VSTM2A: variants seen among roughly 807,000 people sequenced by gnomAD.
VSTM2A encodes the protein V-set and transmembrane domain containing 2A, also known as V-set and transmembrane domain-containing protein 2A.
VSTM2A carries 13 observed loss-of-function variants against 27.3 expected under a neutral mutation model. The observed-to-expected ratio is 0.48, with a 90% CI of 0.31 to 0.76. The LOEUF is 0.76. Ranked by LOEUF, VSTM2A falls within the 30% of genes least tolerant of loss-of-function variation. The pLI is 0.05. For synonymous variants in VSTM2A, 142 were observed against 125.7 expected, an observed-to-expected ratio of 1.13 and a Z score of -0.87; for missense variants, 280 against 310.0, an observed-to-expected ratio of 0.90 and a Z score of 0.73.
At chr7:54,568,144 T>C (rs1326493532) in intron 4 of VSTM2A, among the ~76,000 whole-genome samples, 1 of 152,234 alleles carries the variant, frequency 6.6e-6, no homozygotes, top group Non-Finnish European at 1.5e-5. Context: ...ACTAAATGGC[T>C]ACTTTGGAAG....
chr7:54,545,218 G>T (rs907995577), intron 2 of VSTM2A, among the ~76,000 whole-genome samples: 10 of 151,690 alleles, frequency 6.6e-5, no homozygotes, highest in Admixed American at 6.6e-4. Flanking sequence ...GCAGCCCCCA[G>T]GCTGAACAAC....
intron 4 of VSTM2A, among the ~76,000 whole-genome samples, chr7:54,561,927 G>T (rs981241929): frequency 2.0e-5 from 3 of 150,626 alleles, no homozygotes; most frequent in African/African-American, 7.3e-5. Context: ...TTTTTTGTTT[G>T]TTTTTTTTTG....
At chr7:54,549,683 T>C (rs1788116701) in intron 3 of VSTM2A, 151 bp from the exon 4 acceptor site, 1 of 689,520 alleles carries the variant, frequency 1.5e-6, no homozygotes, top group African/African-American at 1.8e-5. Context: ...GGCCTTCAGA[T>C]GTGACGTTAA....
intron 4 of VSTM2A, chr7:54,557,392 G>C (rs1166277238): frequency 6.6e-6 from 1 of 151,534 alleles, no homozygotes; most frequent in African/African-American, 2.4e-5. Flanking sequence ...AGAGTGCAGT[G>C]GTGTGATCCC....
intron 4 of VSTM2A, among the ~76,000 whole-genome samples, chr7:54,566,262 G>A (rs1029001647): frequency 1.3e-5 from 2 of 152,154 alleles, no homozygotes; most frequent in Admixed American, 6.5e-5. Context: ...TTAGATAATA[G>A]CATCTTCCTT....
chr7:54,542,822 C>T lies in VSTM2A; in HGVS notation c.79+13C>T. The T allele has an allele frequency of 1.2e-6, 2 of 1,611,078 alleles. No individual in the cohort carries two copies. Among genetic ancestry groups the T allele is most frequent in the Non-Finnish European group, 1.7e-6 (2 of 1,177,962 alleles). ...CTTTCTTCTCAAGGTAAGTCTTGCT[C>T]AATGGCAAATATACATTTGCTTGCG... On this transcript the variant is annotated intron_variant, in intron 1 of 4. Transcript: ENST00000402613.
intron 2 of VSTM2A, 35 bp from the exon 3 acceptor site, chr7:54,546,912 T>C (rs763327381): frequency 4.4e-6 from 7 of 1,596,254 alleles, no homozygotes; most frequent in Non-Finnish European, 5.1e-6. Flanking sequence ...CGGGCGGGCC[T>C]GGCGCGGGAC....
chr7:54,558,516 A>C (rs2115879638), intron 4 of VSTM2A: 1 of 152,300 alleles, frequency 6.6e-6, no homozygotes, highest in Non-Finnish European at 1.5e-5. Context: ...AATCTAGGAG[A>C]GTAAACCTAG....
Position 54,542,645 on chromosome 7 carries a change from A to C in VSTM2A, c.-86A>C, listed in dbSNP as rs11977389. The C allele has an allele frequency of 1.7e-3, 2,057 of 1,237,680 alleles. 26 individuals are homozygous for C. In the African/African-American group the frequency reaches 0.027, roughly 16 times the overall value. The allele number at this position is 1,237,680 out of a possible 1,614,324, so 76.7% of individuals were successfully genotyped here. A position where few individuals can be genotyped will look rare whatever the true frequency, so the allele number is the denominator to read the frequency against. On this transcript the variant is annotated 5_prime_UTR_variant, in exon 1 of 5. Coordinates refer to ENST00000402613, the MANE Select transcript of VSTM2A (RefSeq NM_001301009.2). ...GCAGTGTCGCGCCCAGGGCTCTGAG[A>C]CTGAGCCTGCCATCCACTCGCACGC... is the stretch of plus-strand genomic sequence containing the variant.
intron 4 of VSTM2A, among the ~76,000 whole-genome samples, chr7:54,562,128 T>C (rs1788581612): frequency 6.6e-6 from 1 of 152,208 alleles, no homozygotes; most frequent in Non-Finnish European, 1.5e-5. Context: ...TTCACCATGT[T>C]GGCCAGGATG....
chr7:54,568,738 A>G (rs940147283), intron 4 of VSTM2A, among the ~76,000 whole-genome samples: 3 of 152,106 alleles, frequency 2.0e-5, no homozygotes, highest in African/African-American at 2.4e-5. Flanking sequence ...TCAAGGAATT[A>G]CTTGAGGGAA....
chr7:54,555,964 G>A (rs965842642), intron 4 of VSTM2A, among the ~76,000 whole-genome samples: 1 of 152,188 alleles, frequency 6.6e-6, no homozygotes, highest in Admixed American at 6.5e-5. Flanking sequence ...ATCTCTGAGT[G>A]TAGAACCAGA....
intron 4 of VSTM2A, chr7:54,559,304 C>A (rs1413220517): frequency 2.0e-5 from 3 of 152,024 alleles, no homozygotes. Flanking sequence ...TAAAACACTT[C>A]ATTGAGAGAG....
Position 54,569,359 on chromosome 7 carries a change from A to T in VSTM2A, c.*140A>T. On this transcript the variant is annotated 3_prime_UTR_variant, in exon 5 of 5. Coordinates refer to ENST00000402613, the MANE Select transcript of VSTM2A (RefSeq NM_001301009.2). ...GTGAAGTGATAGAACGTTTTCTAAT[A>T]GCAAGATCTATTTTTTCCCTTTTCT... 1.4e-6 allele frequency: 2 copies of T among 1,399,146 alleles called. No individual in the cohort carries two copies. Among genetic ancestry groups the T allele is most frequent in the East Asian group, 5.0e-5 (2 of 39,936 alleles). 86.7% of individuals were successfully genotyped at this position (1,399,146 alleles called of 1,614,324 possible). A position where few individuals can be genotyped will look rare whatever the true frequency, so the allele number is the denominator to read the frequency against.
chr7:54,560,315 A>T (rs921212099), intron 4 of VSTM2A, among the ~76,000 whole-genome samples: 1 of 152,266 alleles, frequency 6.6e-6, no homozygotes, highest in African/African-American at 2.4e-5. Flanking sequence ...GTATTTTATT[A>T]TATCTTATTT....
Position 54,542,657 on chromosome 7 carries a change from A to C in VSTM2A, c.-74A>C. 7.3e-7 allele frequency: 1 copy of C among 1,361,864 alleles called. No individual in the cohort carries two copies. Among genetic ancestry groups the C allele is most frequent in the Non-Finnish European group, 1.0e-6 (1 of 963,256 alleles). The allele number at this position is 1,361,864 out of a possible 1,614,324, so 84.4% of individuals were successfully genotyped here. On this transcript the variant is annotated 5_prime_UTR_variant, in exon 1 of 5. Transcript: ENST00000402613. ...CCAGGGCTCTGAGACTGAGCCTGCC[A>C]TCCACTCGCACGCCTTTCTTTCAGG...
chr7:54,565,142 G>T (rs1788682237), intron 4 of VSTM2A, among the ~76,000 whole-genome samples: 1 of 136,898 alleles, frequency 7.3e-6, no homozygotes, highest in South Asian at 2.4e-4. Flanking sequence ...CTTGCCTCAG[G>T]TGGTTTCCGA....
intron 4 of VSTM2A, among the ~76,000 whole-genome samples, chr7:54,566,199 C>T (rs1788718320): frequency 6.6e-6 from 1 of 152,196 alleles, no homozygotes. Context: ...CTCTAGGTCC[C>T]ATTAGGCCTC....
At chr7:54,549,555 C>T (rs1046652837) in intron 3 of VSTM2A, among the ~76,000 whole-genome samples, 2 of 152,138 alleles carry the variant, frequency 1.3e-5, no homozygotes, top group African/African-American at 4.8e-5. Context: ...AATGACGGAG[C>T]TGCTACTGGC....
Sources: gnomAD v4.1 joint callset for allele counts (sites outside exome capture counted in the v4.1 genomes callset) on GRCh38, gnomAD v4.1.1 for gene constraint, MANE v1.5 for transcripts, NCBI Gene and HGNC (gene_info 2026-07-23, HGNC 2026-07-21) for gene names.